Variants in SORCS3 observed in about 807,000 individuals in gnomAD.
SORCS3 encodes the protein VPS10 domain-containing receptor SorCS3.
SORCS3 carries 57 observed loss-of-function variants against 146.3 expected under a neutral mutation model. The observed-to-expected ratio is 0.39, with a 90% CI of 0.31 to 0.49. SORCS3 has a LOEUF of 0.49. SORCS3 is among the 20% of genes least tolerant of loss of function. The pLI is 0.92. For synonymous variants in SORCS3, 653 were observed against 618.5 expected (o/e 1.06, Z -0.83); for missense variants, 1,341 against 1,575.5 (o/e 0.85, Z 2.52).
chr10:105,014,357 G>A (rs1467620312), intron 4 of SORCS3, among the ~76,000 whole-genome samples: 1 of 151,768 alleles, frequency 6.6e-6, no homozygotes, highest in Non-Finnish European at 1.5e-5. Flanking sequence ...TATACCTTAT[G>A]ACAGGTAGAG....
At chr10:105,205,787 ATTATC>A (rs1332190434) in intron 16 of SORCS3, among the ~76,000 whole-genome samples, 1 of 152,208 alleles carries the variant, frequency 6.6e-6, no homozygotes, top group Non-Finnish European at 1.5e-5. Context: ...TGTGAGATGA[ATTATC>A]TTAATCTTCT....
At chr10:105,063,887 A>G (rs1384245180) in intron 5 of SORCS3, among the ~76,000 whole-genome samples, 2 of 152,222 alleles carry the variant, frequency 1.3e-5, no homozygotes, top group East Asian at 1.9e-4. Context: ...AGAAAGCTGA[A>G]CAAGTCAGCC....
At chr10:104,970,748 G>C (rs1436401483) in intron 3 of SORCS3, among the ~76,000 whole-genome samples, 13 of 152,162 alleles carry the variant, frequency 8.5e-5, no homozygotes, top group Admixed American at 8.5e-4. Flanking sequence ...GCTTGTCTTA[G>C]AAGCTGTAAA....
At chr10:104,850,318 C>T (rs992728847) in intron 2 of SORCS3, among the ~76,000 whole-genome samples, 3 of 152,170 alleles carry the variant, frequency 2.0e-5, no homozygotes, top group South Asian at 2.1e-4. Context: ...TGCGGTGACT[C>T]GCACCTATAA....
intron 5 of SORCS3, among the ~76,000 whole-genome samples, chr10:105,083,414 C>T (rs2055638571): frequency 6.6e-6 from 1 of 152,012 alleles, no homozygotes; most frequent in Non-Finnish European, 1.5e-5. Context: ...AAATTTGGTC[C>T]TAGAAATGTG....
intron 1 of SORCS3, among the ~76,000 whole-genome samples, chr10:104,700,151 C>G (rs2016263156): frequency 1.3e-5 from 2 of 152,194 alleles, no homozygotes; most frequent in Admixed American, 1.3e-4. Context: ...GCTTCCTGAT[C>G]ACTTTGTGTA....
At chr10:105,135,002 CA>C (rs1338882527) in intron 7 of SORCS3, among the ~76,000 whole-genome samples, 3 of 151,700 alleles carry the variant, frequency 2.0e-5, no homozygotes, top group Non-Finnish European at 4.4e-5. Context: ...AGGTATGGGA[CA>C]GTCATTCCAA....
intron 3 of SORCS3, among the ~76,000 whole-genome samples, chr10:104,922,914 T>G (rs1195347957): frequency 1.3e-5 from 2 of 152,204 alleles, no homozygotes; most frequent in Non-Finnish European, 2.9e-5. Flanking sequence ...CTAAGTCAAG[T>G]GTGGCTTACA....
intron 1 of SORCS3, among the ~76,000 whole-genome samples, chr10:104,649,854 G>T (rs1564650969): frequency 6.6e-6 from 1 of 152,180 alleles, no homozygotes; most frequent in South Asian, 2.1e-4. Flanking sequence ...GAAAGATGAA[G>T]AGTAGCTTCT....
chr10:105,029,201 A>G (rs117619634), intron 4 of SORCS3, among the ~76,000 whole-genome samples: 218 of 152,288 alleles, frequency 1.4e-3, no homozygotes, highest in Non-Finnish European at 2.4e-3. Context: ...AGGTATCAAT[A>G]TGATTTACAA....
chr10:104,942,982 T>C (rs1270200006), intron 3 of SORCS3, among the ~76,000 whole-genome samples: 1 of 152,060 alleles, frequency 6.6e-6, no homozygotes. Context: ...TGTATAAGGA[T>C]TGGAGGGAAA....
chr10:104,702,976 C>G (rs968766124), intron 1 of SORCS3, among the ~76,000 whole-genome samples: 4 of 152,178 alleles, frequency 2.6e-5, no homozygotes, highest in Non-Finnish European at 5.9e-5. Flanking sequence ...GCAAACAAAA[C>G]AGGGAAAGGC....
At chr10:105,030,009 G>A (rs1030500080) in intron 4 of SORCS3, among the ~76,000 whole-genome samples, 1 of 152,162 alleles carries the variant, frequency 6.6e-6, no homozygotes, top group African/African-American at 2.4e-5. Flanking sequence ...TGAAATTTGA[G>A]AGCTGCTATT....
At chr10:104,807,809 C>A (rs1172958612) in intron 1 of SORCS3, among the ~76,000 whole-genome samples, 1 of 152,128 alleles carries the variant, frequency 6.6e-6, no homozygotes, top group African/African-American at 2.4e-5. Context: ...GAATGTGATG[C>A]ATGAGGGAGT....
chr10:104,818,900 GT>G (rs1318876622), intron 1 of SORCS3, among the ~76,000 whole-genome samples: 1 of 151,960 alleles, frequency 6.6e-6, no homozygotes, highest in East Asian at 1.9e-4. Flanking sequence ...GGGACTTTTT[GT>G]TTTTTCTGCT....
intron 11 of SORCS3, among the ~76,000 whole-genome samples, chr10:105,161,708 C>T (rs1308691851): frequency 1.3e-5 from 2 of 152,178 alleles, no homozygotes; most frequent in Admixed American, 1.3e-4. Context: ...GCATCCAAAG[C>T]TTGCTTTTCT....
chr10:104,736,985 G>A (rs925585423), intron 1 of SORCS3, among the ~76,000 whole-genome samples: 6 of 151,404 alleles, frequency 4.0e-5, no homozygotes, highest in African/African-American at 1.5e-4. Flanking sequence ...CTGTGTCCAT[G>A]TGTTCTCATT....
At chr10:105,026,390 T>G (rs568107476) in intron 4 of SORCS3, among the ~76,000 whole-genome samples, 1 of 152,224 alleles carries the variant, frequency 6.6e-6, no homozygotes, top group Non-Finnish European at 1.5e-5. Context: ...GTGGGCAGTC[T>G]TCTCTTTAAA....
chr10:104,667,137 G>A (rs1309448249), intron 1 of SORCS3, among the ~76,000 whole-genome samples: 1 of 152,210 alleles, frequency 6.6e-6, no homozygotes, highest in African/African-American at 2.4e-5. Flanking sequence ...ACTGGAGTGT[G>A]CATAGGAACT....
Sources: allele counts gnomAD v4.1 joint callset (sites outside exome capture counted in the v4.1 genomes callset), GRCh38; gene constraint gnomAD v4.1.1; transcripts MANE v1.5; gene names NCBI Gene and HGNC (gene_info 2026-07-23, HGNC 2026-07-21).